The following PDE1C variants were observed in gnomAD, a reference collection of about 807,000 sequenced individuals.
PDE1C encodes phosphodiesterase 1C.
Under a neutral mutation model 93.1 loss-of-function variants are expected in PDE1C, and 62 were observed. The ratio of observed to expected loss-of-function variants is 0.67; its 90% CI spans 0.54 to 0.82. The LOEUF is 0.82. PDE1C is among the 40% of genes least tolerant of loss of function. The probability of loss-of-function intolerance (pLI) is 0.00; values close to 1 mark genes in which losing one functional copy is unlikely to be tolerated. For synonymous variants in PDE1C, 325 were observed against 310.1 expected (o/e 1.05, Z -0.50); for missense variants, 742 against 884.6 (o/e 0.84, Z 2.04).
intron 1 of PDE1C, among the ~76,000 whole-genome samples, chr7:32,242,979 G>C (rs1435003309): frequency 6.6e-6 from 1 of 152,186 alleles, no homozygotes; most frequent in African/African-American, 2.4e-5. Flanking sequence ...TCAGATTCAA[G>C]GATACAAGAG....
chr7:31,669,688 T>G, the PDE1C span, among the ~76,000 whole-genome samples: 1 of 152,310 alleles, frequency 6.6e-6, no homozygotes, highest in African/African-American at 2.4e-5. Flanking sequence ...AGGGGTTATT[T>G]GCTTTGTGCA....
intron 2 of PDE1C, among the ~76,000 whole-genome samples, chr7:31,919,102 T>C (rs1234132821): frequency 6.6e-6 from 1 of 152,232 alleles, no homozygotes; most frequent in Non-Finnish European, 1.5e-5. Context: ...AATTGTTTAC[T>C]AACTTGTCAA....
intron 2 of PDE1C, among the ~76,000 whole-genome samples, chr7:31,943,148 G>A (rs1040967316): frequency 1.3e-5 from 2 of 152,266 alleles, no homozygotes; most frequent in Non-Finnish European, 2.9e-5. Context: ...TCCTTTGGCA[G>A]TTTGGAAACC....
chr7:32,220,651 T>TA, intron 1 of PDE1C, among the ~76,000 whole-genome samples: 1 of 151,838 alleles, frequency 6.6e-6, no homozygotes, highest in African/African-American at 2.4e-5. Flanking sequence ...CCGCCTCTAC[T>TA]AAAAAAATAT....
chr7:31,714,940 C>A, the PDE1C span, among the ~76,000 whole-genome samples: 4 of 152,092 alleles, frequency 2.6e-5, no homozygotes, highest in Non-Finnish European at 4.4e-5. Flanking sequence ...GGGAGCTTCA[C>A]TATAAGAGGT....
intron 2 of PDE1C, among the ~76,000 whole-genome samples, chr7:31,933,696 C>T (rs180773174): frequency 1.2e-4 from 19 of 152,230 alleles, no homozygotes; most frequent in African/African-American, 4.6e-4. Context: ...TTGGGCCAAC[C>T]CCATTGGTGA....
At chr7:31,853,677 T>G (rs1793625501) in intron 7 of PDE1C, among the ~76,000 whole-genome samples, 1 of 6,562 alleles carries the variant, frequency 1.5e-4, no homozygotes, top group Non-Finnish European at 0.013. Flanking sequence ...AGAAGGGAGA[T>G]AAAAAGCAGG....
In PDE1C at chr7:31,778,033, A is replaced by G. The variant is rs541643993; in HGVS notation, c.1892-2301T>C. Reference sequence around the variant, plus strand: ...GATTGGACCCTGAAGCAGAATCTCCAGGGAATGGAGCCAGCAATTTGAATT... The same window carrying G: ...GATTGGACCCTGAAGCAGAATCTCCGGGGAATGGAGCCAGCAATTTGAATT... On this transcript the variant is annotated intron_variant, in intron 16 of 17. Transcript: ENST00000396191. Among the ~76,000 whole-genome samples the G allele has an allele frequency of 6.8e-4, 104 of 152,316 alleles. 1 individual carries two copies. Among genetic ancestry groups the G allele is most frequent in the African/African-American group, 2.5e-3 (102 of 41,576 alleles).
the PDE1C span, among the ~76,000 whole-genome samples, chr7:31,645,809 A>G: frequency 1.3e-5 from 2 of 152,138 alleles, no homozygotes; most frequent in Non-Finnish European, 2.9e-5. Context: ...GAATGCTGCA[A>G]AACATCCTAA....
intron 3 of PDE1C, among the ~76,000 whole-genome samples, chr7:32,109,194 T>C (rs1798510080): frequency 6.6e-6 from 1 of 152,150 alleles, no homozygotes; most frequent in South Asian, 2.1e-4. Flanking sequence ...AGTGTTGTTA[T>C]GATGGCCAGA....
At chr7:31,665,346 G>A in the PDE1C span, among the ~76,000 whole-genome samples, 2 of 152,080 alleles carry the variant, frequency 1.3e-5, no homozygotes. Flanking sequence ...ATCCTATTTT[G>A]TTTCTTTCAT....
intron 1 of PDE1C, among the ~76,000 whole-genome samples, chr7:32,367,433 C>T (rs1371472007): frequency 1.3e-5 from 2 of 152,112 alleles, no homozygotes; most frequent in Non-Finnish European, 2.9e-5. Flanking sequence ...TGAATGTAAA[C>T]AGATGAAATT....
chr7:32,361,711 C>A (rs1305558779), intron 1 of PDE1C, among the ~76,000 whole-genome samples: 1 of 152,172 alleles, frequency 6.6e-6, no homozygotes, highest in East Asian at 1.9e-4. Flanking sequence ...TCCTTTCCTG[C>A]CTCGTGCTCC....
intron 1 of PDE1C, among the ~76,000 whole-genome samples, chr7:32,226,864 C>T (rs1463075379): frequency 6.6e-6 from 1 of 152,186 alleles, no homozygotes; most frequent in Non-Finnish European, 1.5e-5. Context: ...CCCCTTCAGA[C>T]AGCAGCTCCC....
chr7:31,981,330 T>C (rs762792935), intron 2 of PDE1C, among the ~76,000 whole-genome samples: 3 of 152,160 alleles, frequency 2.0e-5, no homozygotes, highest in Non-Finnish European at 2.9e-5. Context: ...ATTTATAGAG[T>C]TTGAAATTTT....
At chr7:31,986,743 G>A (rs565022312) in intron 2 of PDE1C, among the ~76,000 whole-genome samples, 2 of 152,208 alleles carry the variant, frequency 1.3e-5, no homozygotes, top group Admixed American at 6.5e-5. Flanking sequence ...TCGATGGAAG[G>A]AGCATGGTCC....
intron 2 of PDE1C, among the ~76,000 whole-genome samples, chr7:31,950,579 A>G (rs919751836): frequency 6.6e-6 from 1 of 152,200 alleles, no homozygotes; most frequent in Non-Finnish European, 1.5e-5. Flanking sequence ...GTTTAAGTGT[A>G]TGTTCTTTCT....
At chr7:32,386,925 G>C (rs1338419704) in intron 1 of PDE1C, among the ~76,000 whole-genome samples, 3 of 151,184 alleles carry the variant, frequency 2.0e-5, no homozygotes, top group Non-Finnish European at 4.4e-5. Flanking sequence ...TCTCGCAGAG[G>C]GGGATTTGGC....
At chr7:31,731,152 A>T in the PDE1C span, among the ~76,000 whole-genome samples, 1 of 152,142 alleles carries the variant, frequency 6.6e-6, no homozygotes, top group Admixed American at 6.5e-5. Flanking sequence ...GCAGAAGCTC[A>T]TAGAAGCTGG....
Sources: gnomAD v4.1 joint callset for allele counts (sites outside exome capture counted in the v4.1 genomes callset) on GRCh38, gnomAD v4.1.1 for gene constraint, MANE v1.5 for transcripts, NCBI Gene and HGNC (gene_info 2026-07-23, HGNC 2026-07-21) for gene names.